Variants in PLXNB2 observed in about 807,000 individuals in gnomAD.
PLXNB2 encodes plexin-B2.
Under a neutral mutation model 202.6 loss-of-function variants are expected in PLXNB2, and 85 were observed. The observed-to-expected ratio is 0.42, with a 90% CI of 0.35 to 0.50. PLXNB2 has a LOEUF of 0.50. Ranked by LOEUF, PLXNB2 falls within the 20% of genes least tolerant of loss-of-function variation. PLXNB2 has a pLI of 0.02. For missense variants in PLXNB2, 2,063 were observed against 2,586.2 expected, an observed-to-expected ratio of 0.80 and a Z score of 4.39; for synonymous variants, 1,239 against 1,137.6, an observed-to-expected ratio of 1.09 and a Z score of -1.79.
At chr22:50,276,295 G>A (rs1443842327) in intron 35 of PLXNB2, among the ~76,000 whole-genome samples, 6 of 148,652 alleles carry the variant, frequency 4.0e-5, no homozygotes, top group South Asian at 2.1e-4. Flanking sequence ...GGGAGGGGGC[G>A]CTGTGGACAC....
At position 50,285,736 on chromosome 22, in the gene PLXNB2, G is replaced by A. The variant is rs1310703846; in HGVS notation, c.2088+64C>T. 6 of 1,119,456 alleles carry A rather than the reference G, an allele frequency of 5.4e-6. No homozygotes were observed. In the East Asian group the frequency reaches 9.8e-5, roughly 18 times the overall value. The allele number at this position is 1,119,456 out of a possible 1,614,324, so 69.3% of individuals were successfully genotyped here. On this transcript the variant is annotated intron_variant, in intron 11 of 36. Transcript: ENST00000359337. Reference sequence around the variant, plus strand: ...TCCGTACCTGAGCCTGCCTGTCACCGGCCGGCACCCCTCCCTCCGCACCTG... The same window carrying A: ...TCCGTACCTGAGCCTGCCTGTCACCAGCCGGCACCCCTCCCTCCGCACCTG...
chr22:50,306,613 CG>C (rs750461937), intron 1 of PLXNB2, among the ~76,000 whole-genome samples: 4 of 35,134 alleles, frequency 1.1e-4, no homozygotes, highest in Admixed American at 4.5e-4. Flanking sequence ...GTGGGGAGGG[CG>C]GGGGGGTCCA....
At chr22:50,293,097 G>T (rs1362705666) in intron 2 of PLXNB2, among the ~76,000 whole-genome samples, 1 of 152,228 alleles carries the variant, frequency 6.6e-6, no homozygotes, top group African/African-American at 2.4e-5. Context: ...CAGGATAGGG[G>T]TGATCAGCCA....
At chr22:50,300,107 G>A (rs2067586339) in intron 1 of PLXNB2, among the ~76,000 whole-genome samples, 1 of 152,082 alleles carries the variant, frequency 6.6e-6, no homozygotes, top group African/African-American at 2.4e-5. Flanking sequence ...CGCCCCGTCC[G>A]CCCCTCGGCC....
In PLXNB2 at chr22:50,288,869, C is replaced by G. The variant is rs764524806; in HGVS notation, c.1254G>C (p.Val418=). Residue 418 remains valine (V), a splice_region_variant and synonymous_variant, in exon 5 of 37, where the codon GTG becomes GTC. Coordinates refer to ENST00000359337, the MANE Select transcript of PLXNB2 (RefSeq NM_012401.4). The surrounding 1 kb of genome is among the most constrained non-coding windows in gnomAD (Gnocchi z 5.0). ...AGGAGGTGCCATCTGGGGTGAGGTA[C>G]ACCTGTGTGCGCGAGGGCAGGCCGG... ...LGTSDGRILK[V]YLTPDGTSSE... 1.9e-6 allele frequency: 3 copies of G among 1,613,268 alleles called. No homozygotes were observed. In the Admixed American group the frequency reaches 5.0e-5, roughly 27 times the overall value.
rs1397138793 is a variant in PLXNB2 at position 50,275,686 on chromosome 22, A to G, written c.*18T>C. 3 of 1,530,910 alleles carry G rather than the reference A, an allele frequency of 2.0e-6. No individual in the cohort carries two copies. Among genetic ancestry groups the G allele is most frequent in the Non-Finnish European group, 2.7e-6 (3 of 1,118,786 alleles). 94.8% of individuals were successfully genotyped at this position (1,530,910 alleles called of 1,614,324 possible). ...ACCTCAGGTACCTATGTCCCAAGGC[A>G]GCACTGGAGATTGTAGGTCAGAGGT... On this transcript the variant is annotated 3_prime_UTR_variant, in exon 37 of 37. Coordinates refer to ENST00000359337, the MANE Select transcript of PLXNB2 (RefSeq NM_012401.4).
rs1036427656 is a variant in PLXNB2 at position 50,287,154 on chromosome 22, G to C, written c.1719C>G (p.Ile573Met). 4.5e-6 allele frequency: 7 copies of C among 1,544,882 alleles called. No homozygotes were observed. In the Admixed American group the frequency reaches 8.0e-5, roughly 18 times the overall value. ...HPARVEGEAV[I>M]CNSPSSIPVT... ...CGGGGATGCTGCTTGGGGAGTTGCA[G>C]ATGACGGCCTCGCCCTCCACGCGGG... Residue 573 changes from isoleucine to methionine, a missense_variant, in exon 8 of 37, where the codon ATC becomes ATG. This residue lies in a region of PLXNB2 where 1,303 missense variants were observed against 1,476.8 expected (regional missense o/e 0.88). Coordinates refer to ENST00000359337, the MANE Select transcript of PLXNB2 (RefSeq NM_012401.4).
At chr22:50,281,276 T>C (rs2065967957) in intron 22 of PLXNB2, 84 bp downstream of exon 22, 2 of 1,572,938 alleles carry the variant, frequency 1.3e-6, no homozygotes, top group African/African-American at 2.7e-5. Context: ...CGCCTGCCTG[T>C]GCAGGGCGGC....
chr22:50,290,845 C>T (rs1172626001), intron 2 of PLXNB2, among the ~76,000 whole-genome samples: 1 of 152,212 alleles, frequency 6.6e-6, no homozygotes, highest in Non-Finnish European at 1.5e-5. Flanking sequence ...ACTGCCATCG[C>T]CTGCTACAGG....
chr22:50,276,047 G>A (rs1439222756), intron 35 of PLXNB2, 84 bp from the exon 36 acceptor site: 9 of 1,335,920 alleles, frequency 6.7e-6, no homozygotes, highest in Middle Eastern at 2.0e-4. Flanking sequence ...CGCCCAGGAC[G>A]AGGCCTCCCC....
At chr22:50,306,295 C>T (rs1210302780) in intron 1 of PLXNB2, among the ~76,000 whole-genome samples, 3 of 152,200 alleles carry the variant, frequency 2.0e-5, no homozygotes, top group African/African-American at 7.2e-5. Context: ...TGTGCCAGGC[C>T]CACCTGCTTG....
In PLXNB2 at chr22:50,279,767, C is replaced by G; in HGVS notation, c.4252G>C (p.Gly1418Arg). 1.2e-6 allele frequency: 2 copies of G among 1,613,848 alleles called. No homozygotes were observed. Among genetic ancestry groups the G allele is most frequent in the Non-Finnish European group, 1.7e-6 (2 of 1,179,962 alleles). ...CLYQYLKDSA[G>R]EPLYKLFKAI... ...TTGAAGAGCTTGTACAGGGGCTCCC[C>G]GGCACTGTCCTGGAGTAACACGGAG... Residue 1418 changes from glycine (G) to arginine (R), a missense_variant, in exon 27 of 37, where the codon GGG becomes CGG. Physicochemically the swap from Gly to Arg is moderately radical, Grantham distance 125. This residue lies in a region of PLXNB2 where 760 missense variants were observed against 1,109.4 expected (regional missense o/e 0.69). Coordinates refer to ENST00000359337, the MANE Select transcript of PLXNB2 (RefSeq NM_012401.4).
Position 50,278,848 on chromosome 22 carries a change from C to T in PLXNB2, c.4546+7G>A, listed in dbSNP as rs748358623. 1.0e-5 allele frequency: 16 copies of T among 1,607,626 alleles called. No individual in the cohort carries two copies. The highest frequency in any genetic ancestry group is 1.3e-5 in the Non-Finnish European group (15 of 1,176,164). ...CTGTGTGCAGACGGGCAGGGGCCGG[C>T]ACTCACCCAGGACCACGCTGTCTGG... On this transcript the variant is annotated splice_region_variant and intron_variant, in intron 28 of 36. Transcript: ENST00000359337.
chr22:50,277,615 C>A lies in PLXNB2; in HGVS notation c.5172G>T (p.Thr1724=). 1.3e-6 allele frequency: 2 copies of A among 1,596,322 alleles called. No homozygotes were observed. Among genetic ancestry groups the A allele is most frequent in the Non-Finnish European group, 1.7e-6 (2 of 1,169,148 alleles). ...VIAQTFMDAC[T]RTEHKLSRDS... ...CGCGGCTCAGCTTATGCTCCGTGCG[C>A]GTGCAGGCATCCATGAAGGTCTGCG... Residue 1724 remains threonine (T), a synonymous_variant, in exon 33 of 37, where the codon ACG becomes ACT. Coordinates refer to ENST00000359337, the MANE Select transcript of PLXNB2 (RefSeq NM_012401.4).
In PLXNB2 at chr22:50,280,062, A is replaced by C. The variant is rs1361846381; in HGVS notation, c.4185T>G (p.Thr1395=). 6.2e-7 allele frequency: 1 copy of C among 1,608,082 alleles called. No individual in the cohort carries two copies. The highest frequency in any genetic ancestry group is 1.3e-5 in the African/African-American group (1 of 74,816). ...NPKLMLRRSE[T]VVERMLSNWM... is the part of the protein sequence containing the mutation. ...AGTTGGACAGCATCCTCTCCACCAC[A>C]GTCTCAGACCTGGGGGTGCAGGGAG... Residue 1395 remains threonine, a synonymous_variant, in exon 26 of 37, where the codon ACT becomes ACG. Coordinates refer to ENST00000359337, the MANE Select transcript of PLXNB2 (RefSeq NM_012401.4).
Position 50,278,219 on chromosome 22 carries a change from G to T in PLXNB2, c.4785C>A (p.Thr1595=). 6.2e-7 allele frequency: 1 copy of T among 1,609,842 alleles called. No homozygotes were observed. The part of the protein sequence containing the change: ...ENRVWHLVRP[T]DEVDEGKSKR... ...TGGACTTGCCCTCGTCCACCTCGTC[G>T]GTCGGCCGCACCAGGTGCCACACCC... The change falls in exon 31 of 37, where the codon ACC becomes ACA. Residue 1595 remains threonine, a synonymous_variant. Transcript: ENST00000359337.
rs1234445175 is a variant in PLXNB2, at chr22:50,297,555, C to T, written c.-73-2777G>A. ...CTGGCCCAAGTCTACCTCCTCTGCC[C>T]GGCCTCTGGCTTCTCCCACCTCCAT... On this transcript the variant is annotated intron_variant, in intron 1 of 36. Coordinates refer to ENST00000359337, the MANE Select transcript of PLXNB2 (RefSeq NM_012401.4). This position sits in a 1 kb window ranked among gnomAD's most constrained non-coding sequence, Gnocchi z 5.3. Among the ~76,000 whole-genome samples the T allele has an allele frequency of 1.3e-5, 2 of 152,150 alleles. No homozygotes were observed. The highest frequency in any genetic ancestry group is 2.9e-5 in the Non-Finnish European group (2 of 68,022).
At chr22:50,300,536 T>C (rs1007312816) in intron 1 of PLXNB2, among the ~76,000 whole-genome samples, 1 of 151,862 alleles carries the variant, frequency 6.6e-6, no homozygotes, top group East Asian at 1.9e-4. Context: ...CAACCCGACC[T>C]AGGAGCTGGG....
In PLXNB2 at chr22:50,279,026, G is replaced by A. The variant is rs1219635235; in HGVS notation, c.4390-15C>T. Reference sequence around the variant, plus strand: ...ACGCTCACCGTCTGCCGAGACATCCGGGATGAAGCCCAGTGGGAGGCCCTG... The same window carrying A: ...ACGCTCACCGTCTGCCGAGACATCCAGGATGAAGCCCAGTGGGAGGCCCTG... On this transcript the variant is annotated splice_polypyrimidine_tract_variant and intron_variant, in intron 27 of 36. Coordinates refer to ENST00000359337, the MANE Select transcript of PLXNB2 (RefSeq NM_012401.4). 8 of 1,592,498 alleles carry A rather than the reference G, an allele frequency of 5.0e-6. No individual in the cohort carries two copies. Among genetic ancestry groups the A allele is most frequent in the African/African-American group, 1.3e-5 (1 of 74,826 alleles).
Sources: allele counts gnomAD v4.1 joint callset (sites outside exome capture counted in the v4.1 genomes callset), GRCh38; gene constraint gnomAD v4.1.1; regional missense constraint gnomAD v4.1.1; non-coding constraint Gnocchi (gnomAD v3.1); transcripts MANE v1.5; gene names NCBI Gene and HGNC (gene_info 2026-07-23, HGNC 2026-07-21).